The following ATP10D variants were observed in gnomAD, a reference collection of about 807,000 sequenced individuals.
ATP10D encodes the protein ATPase phospholipid transporting 10D (putative).
Under a neutral mutation model 144.8 loss-of-function variants are expected in ATP10D, and 89 were observed. The ratio of observed to expected loss-of-function variants is 0.61; its 90% CI spans 0.52 to 0.73. The LOEUF is 0.73. Among genes scored for constraint, ATP10D ranks in the 30% least tolerant of loss-of-function variants. The pLI is 0.00. For missense variants in ATP10D, 1,603 were observed against 1,714.8 expected (o/e 0.93, Z 1.15); for synonymous variants, 571 against 615.1 (o/e 0.93, Z 1.06).
intron 1 of ATP10D, among the ~76,000 whole-genome samples, chr4:47,496,464 G>A (rs1715381526): frequency 6.6e-6 from 1 of 151,948 alleles, no homozygotes; most frequent in Admixed American, 6.6e-5. Context: ...GCTGTGTAGT[G>A]ACTTTCTAAG....
chr4:47,560,861 T>C (rs1444310197), intron 13 of ATP10D, 88 bp from the exon 14 acceptor site: 11 of 1,497,124 alleles, frequency 7.3e-6, no homozygotes, highest in Non-Finnish European at 1.0e-5. Flanking sequence ...AACAAGTTGA[T>C]GGTTTGATAT....
intron 12 of ATP10D, 113 bp downstream of exon 12, chr4:47,558,386 T>A (rs62298023): frequency 1.4e-6 from 2 of 1,407,986 alleles, no homozygotes; most frequent in Non-Finnish European, 1.9e-6. Context: ...CTAATCACAT[T>A]TGGTGAAGTA....
intron 1 of ATP10D, chr4:47,491,285 G>A: frequency 1.1e-6 from 1 of 898,412 alleles, no homozygotes; most frequent in Non-Finnish European, 1.8e-6. Context: ...TTCCAGTTTT[G>A]CCATGGTAAC....
At chr4:47,577,413 G>C (rs1404650115) in intron 19 of ATP10D, among the ~76,000 whole-genome samples, 1 of 152,180 alleles carries the variant, frequency 6.6e-6, no homozygotes, top group East Asian at 1.9e-4. Context: ...GTATATGTTA[G>C]AAAGAATAGG....
At chr4:47,519,022 T>A (rs543743835) in intron 3 of ATP10D, among the ~76,000 whole-genome samples, 77 of 152,340 alleles carry the variant, frequency 5.1e-4, no homozygotes, top group African/African-American at 1.8e-3. Context: ...AATAAGTTGA[T>A]ATATGTAAAG....
intron 2 of ATP10D, among the ~76,000 whole-genome samples, chr4:47,513,722 G>A (rs193238532): frequency 3.9e-5 from 6 of 152,334 alleles, no homozygotes; most frequent in African/African-American, 1.4e-4. Context: ...CAGAAAGATA[G>A]ATGTGACCCA....
intron 19 of ATP10D, among the ~76,000 whole-genome samples, chr4:47,577,405 A>G (rs1213304765): frequency 1.3e-5 from 2 of 152,158 alleles, no homozygotes. Flanking sequence ...GTGGTTTGGT[A>G]TATGTTAGAA....
intron 20 of ATP10D, among the ~76,000 whole-genome samples, chr4:47,581,336 C>A (rs1360497339): frequency 6.6e-6 from 1 of 152,106 alleles, no homozygotes; most frequent in Non-Finnish European, 1.5e-5. Flanking sequence ...AAGAAAACAC[C>A]TGTTTTATCA....
At chr4:47,509,009 G>T (rs993312034) in intron 1 of ATP10D, among the ~76,000 whole-genome samples, 2 of 152,114 alleles carry the variant, frequency 1.3e-5, no homozygotes, top group Non-Finnish European at 2.9e-5. Context: ...CAATATTTAT[G>T]TGGAGCTTTA....
At chr4:47,521,381 A>G (rs1716937492) in intron 3 of ATP10D, among the ~76,000 whole-genome samples, 1 of 152,134 alleles carries the variant, frequency 6.6e-6, no homozygotes. Flanking sequence ...TAATTCCTTT[A>G]CCTGTAGTAA....
At chr4:47,524,378 T>C (rs1331818571) in intron 4 of ATP10D, among the ~76,000 whole-genome samples, 1 of 150,906 alleles carries the variant, frequency 6.6e-6, no homozygotes, top group Non-Finnish European at 1.5e-5. Context: ...GGATTTCATT[T>C]AGATCCTCTG....
At chr4:47,516,239 A>G (rs531487329) in intron 3 of ATP10D, among the ~76,000 whole-genome samples, 1 of 150,616 alleles carries the variant, frequency 6.6e-6, no homozygotes, top group Admixed American at 6.6e-5. Context: ...GTGAGACTCT[A>G]TCTCAAAAAA....
At chr4:47,502,270 G>C (rs1715726059) in intron 1 of ATP10D, among the ~76,000 whole-genome samples, 1 of 152,128 alleles carries the variant, frequency 6.6e-6, no homozygotes, top group Non-Finnish European at 1.5e-5. Context: ...GTCAGATCGA[G>C]ACCATCCTGG....
chr4:47,592,372 A>T lies in ATP10D; in HGVS notation c.*991A>T, dbSNP rs1209562348. The T allele has an allele frequency of 6.6e-6, 1 of 152,564 alleles. No individual in the cohort carries two copies. Among genetic ancestry groups the T allele is most frequent in the Non-Finnish European group, 1.5e-5 (1 of 68,006 alleles). 9.5% of individuals were successfully genotyped at this position (152,564 alleles called of 1,614,324 possible). A position where few individuals can be genotyped will look rare whatever the true frequency, so the allele number is the denominator to read the frequency against. The stretch of plus-strand genomic sequence containing the variant: ...AAAATATGAGATATAAACAGAAACT[A>T]ATACAAGTTGTTCTCTGGAGGTTTC... On this transcript the variant is annotated 3_prime_UTR_variant, in exon 23 of 23. Transcript: ENST00000273859.
intron 21 of ATP10D, 49 bp from the exon 22 acceptor site, chr4:47,586,970 C>T: frequency 6.4e-7 from 1 of 1,562,668 alleles, no homozygotes; most frequent in Non-Finnish European, 8.8e-7. Flanking sequence ...GGTGGCAATA[C>T]TGTATCAGTG....
chr4:47,560,923 T>C, intron 13 of ATP10D, 26 bp from the exon 14 acceptor site: 1 of 1,613,848 alleles, frequency 6.2e-7, no homozygotes, highest in Non-Finnish European at 8.5e-7. Flanking sequence ...GCTTGCTTCA[T>C]ACCTCTCTTT....
At chr4:47,569,169 C>T in intron 16 of ATP10D, 23 bp downstream of exon 16, 1 of 1,601,726 alleles carries the variant, frequency 6.2e-7, no homozygotes, top group South Asian at 1.1e-5. Flanking sequence ...GAATCTGAGT[C>T]CTGCTCTTCT....
chr4:47,496,111 A>G (rs1359203031), intron 1 of ATP10D, among the ~76,000 whole-genome samples: 1 of 151,788 alleles, frequency 6.6e-6, no homozygotes, highest in Non-Finnish European at 1.5e-5. Context: ...AATGCAGTCA[A>G]CAATTTCTCT....
At position 47,590,456 on chromosome 4, in the gene ATP10D, A is replaced by G. The variant is rs565365039; in HGVS notation, c.3942-586A>G. ...AAGAGATTAGTTATGTGATTCCTAGATCTCCTCAACCATTGCAGTAGTAAC... is the reference window on the plus strand; with the variant it reads ...AAGAGATTAGTTATGTGATTCCTAGGTCTCCTCAACCATTGCAGTAGTAAC... On this transcript the variant is annotated intron_variant, in intron 22 of 22. Transcript: ENST00000273859. 4.6e-5 allele frequency among the ~76,000 whole-genome samples: 7 copies of G among 152,228 alleles called. 1 individual carries two copies. Among genetic ancestry groups the G allele is most frequent in the African/African-American group, 1.7e-4 (7 of 41,556 alleles).
Sources: gnomAD v4.1 joint callset for allele counts (sites outside exome capture counted in the v4.1 genomes callset) on GRCh38, gnomAD v4.1.1 for gene constraint, MANE v1.5 for transcripts, NCBI Gene and HGNC (gene_info 2026-07-23, HGNC 2026-07-21) for gene names.